The following NRXN3 variants were observed in gnomAD, a reference collection of about 807,000 sequenced individuals.
NRXN3 encodes the protein neurexin 3.
NRXN3 carries 32 observed loss-of-function variants against 137.6 expected under a neutral mutation model. That is an observed-to-expected ratio of 0.23 (90% CI 0.18 to 0.31). NRXN3 has a LOEUF of 0.31. NRXN3 is among the 10% of genes least tolerant of loss of function. The probability of loss-of-function intolerance (pLI) is 1.00; values close to 1 mark genes in which losing one functional copy is unlikely to be tolerated. For synonymous variants in NRXN3, 798 were observed against 784.5 expected, an observed-to-expected ratio of 1.02 and a Z score of -0.29; for missense variants, 1,574 against 2,062.5, an observed-to-expected ratio of 0.76 and a Z score of 4.59.
At chr14:78,360,097 A>G (rs577318521) in intron 4 of NRXN3, among the ~76,000 whole-genome samples, 10 of 152,140 alleles carry the variant, frequency 6.6e-5, no homozygotes, top group Non-Finnish European at 1.0e-4. Flanking sequence ...CTTAGCTCGC[A>G]ACACCCCAGC....
chr14:79,279,766 G>T (rs573011459), intron 15 of NRXN3: 2 of 988,246 alleles, frequency 2.0e-6, no homozygotes, highest in Non-Finnish European at 1.2e-6. Context: ...GCCCCCTTTT[G>T]CCTGGCAGTT....
intron 15 of NRXN3, among the ~76,000 whole-genome samples, chr14:79,167,561 A>G (rs1288349967): frequency 1.3e-5 from 2 of 151,744 alleles, no homozygotes; most frequent in African/African-American, 4.8e-5. Flanking sequence ...ATTCTTTCTT[A>G]TCTGTTCTGC....
chr14:78,266,663 C>G (rs1338722003), intron 2 of NRXN3, among the ~76,000 whole-genome samples: 1 of 152,118 alleles, frequency 6.6e-6, no homozygotes, highest in East Asian at 1.9e-4. Flanking sequence ...TCTGGAAGGG[C>G]CTCTGCAGAC....
At chr14:79,063,203 G>A (rs900230080) in intron 15 of NRXN3, among the ~76,000 whole-genome samples, 3 of 152,164 alleles carry the variant, frequency 2.0e-5, no homozygotes, top group Admixed American at 2.0e-4. Context: ...ATTCTTGAAA[G>A]GAAAGGTGCC....
chr14:78,388,528 G>A (rs1221593163), intron 4 of NRXN3, among the ~76,000 whole-genome samples: 1 of 152,048 alleles, frequency 6.6e-6, no homozygotes, highest in Admixed American at 6.6e-5. Flanking sequence ...AACAGGGGTT[G>A]GTACACAGAG....
At chr14:78,759,198 G>A (rs865855424) in intron 8 of NRXN3, among the ~76,000 whole-genome samples, 2 of 152,120 alleles carry the variant, frequency 1.3e-5, no homozygotes, top group Non-Finnish European at 2.9e-5. Flanking sequence ...CATTAAAAAA[G>A]CTCACACTCT....
At chr14:78,234,790 C>T (rs1264334709) in intron 1 of NRXN3, among the ~76,000 whole-genome samples, 2 of 147,634 alleles carry the variant, frequency 1.4e-5, no homozygotes, top group Non-Finnish European at 3.0e-5. Context: ...CATGGGTGCT[C>T]CATGGTTAAA....
intron 15 of NRXN3, among the ~76,000 whole-genome samples, chr14:79,056,378 TGAATG>T (rs1332906327): frequency 6.8e-6 from 1 of 147,538 alleles, no homozygotes; most frequent in Non-Finnish European, 1.5e-5. Context: ...CATTCATCTC[TGAATG>T]TATCCGTGCA....
chr14:78,662,611 T>C (rs943194234), intron 6 of NRXN3, among the ~76,000 whole-genome samples: 1 of 152,226 alleles, frequency 6.6e-6, no homozygotes, highest in African/African-American at 2.4e-5. Context: ...GTTTTGATTT[T>C]ATAGATAGAT....
intron 19 of NRXN3, among the ~76,000 whole-genome samples, chr14:79,776,742 A>C: frequency 6.6e-6 from 1 of 152,220 alleles, no homozygotes; most frequent in East Asian, 1.9e-4. Context: ...ACAGAGCAGG[A>C]AAAGCATGAA....
chr14:79,240,664 A>G (rs1002868738), intron 15 of NRXN3, among the ~76,000 whole-genome samples: 2 of 151,956 alleles, frequency 1.3e-5, no homozygotes, highest in African/African-American at 4.8e-5. Flanking sequence ...TGCCCTTTTT[A>G]TGTGCTTGTC....
chr14:78,351,996 A>G (rs1170758937), intron 4 of NRXN3, among the ~76,000 whole-genome samples: 2 of 151,508 alleles, frequency 1.3e-5, no homozygotes, highest in Non-Finnish European at 2.9e-5. Flanking sequence ...CTGAGGCAGG[A>G]TAATTGGTTG....
intron 15 of NRXN3, among the ~76,000 whole-genome samples, chr14:79,405,726 G>C (rs564678456): frequency 6.6e-6 from 1 of 152,122 alleles, no homozygotes; most frequent in Non-Finnish European, 1.5e-5. Context: ...TTAGTCAACA[G>C]CCTGCCCCTA....
intron 16 of NRXN3, among the ~76,000 whole-genome samples, chr14:79,566,669 A>C (rs1483373910): frequency 6.6e-6 from 1 of 152,152 alleles, no homozygotes; most frequent in Admixed American, 6.6e-5. Context: ...ACACTGCCTC[A>C]AACCCAGTGC....
chr14:79,510,856 T>A (rs2153689539), intron 16 of NRXN3, among the ~76,000 whole-genome samples: 1 of 152,000 alleles, frequency 6.6e-6, no homozygotes, highest in South Asian at 2.1e-4. Flanking sequence ...AGACTACGAG[T>A]AATTAAAAAT....
chr14:78,484,980 T>G (rs2095538948), intron 4 of NRXN3, among the ~76,000 whole-genome samples: 1 of 152,186 alleles, frequency 6.6e-6, no homozygotes, highest in African/African-American at 2.4e-5. Flanking sequence ...AGCACACTCC[T>G]TTGGGATGGG....
intron 19 of NRXN3, among the ~76,000 whole-genome samples, chr14:79,758,955 A>G (rs1202024022): frequency 6.6e-6 from 1 of 152,232 alleles, no homozygotes; most frequent in Non-Finnish European, 1.5e-5. Context: ...GGACAAAATT[A>G]TCTTTAATTT....
At chr14:79,218,066 T>C (rs576470569) in intron 15 of NRXN3, among the ~76,000 whole-genome samples, 2 of 152,334 alleles carry the variant, frequency 1.3e-5, no homozygotes, top group South Asian at 4.1e-4. Flanking sequence ...CCTGTTTCCT[T>C]GATAATATCA....
intron 19 of NRXN3, among the ~76,000 whole-genome samples, chr14:79,727,259 T>C (rs1021575197): frequency 1.3e-5 from 2 of 148,578 alleles, no homozygotes; most frequent in Admixed American, 1.3e-4. Context: ...TTTAAACCTT[T>C]AATTGGTTGG....
Sources: allele counts gnomAD v4.1 joint callset (sites outside exome capture counted in the v4.1 genomes callset), GRCh38; gene constraint gnomAD v4.1.1; transcripts MANE v1.5; gene names NCBI Gene and HGNC (gene_info 2026-07-23, HGNC 2026-07-21).